The following RNF144A variants were observed in gnomAD, a reference collection of about 807,000 sequenced individuals.
The protein encoded by RNF144A is E3 ubiquitin-protein ligase RNF144A.
In RNF144A, 11 loss-of-function variants were observed where a neutral mutation model predicts 38.7. The ratio of observed to expected loss-of-function variants is 0.28; its 90% CI spans 0.18 to 0.47. The LOEUF (loss-of-function observed/expected upper bound fraction) is 0.47. Among genes scored for constraint, RNF144A ranks in the 20% least tolerant of loss-of-function variants. The pLI, the probability that RNF144A is intolerant of heterozygous loss-of-function variation, is 0.99. For missense variants in RNF144A, 316 were observed against 377.2 expected (o/e 0.84, Z 1.34); for synonymous variants, 149 against 143.9 (o/e 1.04, Z -0.25).
chr2:7,058,015 G>T (rs1673804957), intron 6 of RNF144A, among the ~76,000 whole-genome samples: 1 of 152,200 alleles, frequency 6.6e-6, no homozygotes, highest in South Asian at 2.1e-4. Context: ...CTTCTGACAT[G>T]TGCCAGGTGC....
intron 6 of RNF144A, among the ~76,000 whole-genome samples, chr2:7,063,418 C>G (rs1387069101): frequency 6.6e-6 from 1 of 152,078 alleles, no homozygotes; most frequent in Non-Finnish European, 1.5e-5. Context: ...AGTTTACAGA[C>G]AGGTCGAGCT....
chr2:7,049,795 T>C (rs111411597), intron 6 of RNF144A, among the ~76,000 whole-genome samples: 6,932 of 152,076 alleles, frequency 0.046, 209 homozygotes, highest in Non-Finnish European at 0.068. Context: ...GGAAAGAAAG[T>C]TCCAACAAAG....
rs576145397 is a variant in RNF144A at position 6,959,586 on chromosome 2, C to T, written c.-12+18439C>T. Among the ~76,000 whole-genome samples, 12 of 152,130 alleles carry T rather than the reference C, an allele frequency of 7.9e-5. No individual in the cohort carries two copies. In the South Asian group the frequency reaches 1.2e-3, roughly 16 times the overall value. On this transcript the variant is annotated intron_variant, in intron 2 of 8. Transcript: ENST00000320892. ...TGGGCTGTTGGTGAGGGGCCTCACG[C>T]GGCATCATAGCACAGCAGAAGGCAT...
At chr2:6,940,634 C>T (rs1665906391) in intron 1 of RNF144A, among the ~76,000 whole-genome samples, 1 of 152,058 alleles carries the variant, frequency 6.6e-6, no homozygotes, top group South Asian at 2.1e-4. Context: ...TTGCACCTCT[C>T]TCTATAGGAG....
intron 2 of RNF144A, among the ~76,000 whole-genome samples, chr2:6,980,587 C>A (rs1324566810): frequency 1.3e-5 from 2 of 152,258 alleles, no homozygotes; most frequent in Non-Finnish European, 2.9e-5. Flanking sequence ...CGGCCTTGGG[C>A]AGCTCTGCCT....
At position 6,993,636 on chromosome 2, in the gene RNF144A, G is replaced by A. The variant is rs528550917; in HGVS notation, c.-11-3280G>A. Among the ~76,000 whole-genome samples the A allele has an allele frequency of 4.3e-3, 653 of 152,270 alleles. 1 individual carries two copies. Among genetic ancestry groups the A allele is most frequent in the Non-Finnish European group, 7.5e-3 (510 of 68,028 alleles). On this transcript the variant is annotated intron_variant, in intron 2 of 8. Transcript: ENST00000320892. ...GTTAAGCTCTGCCTCTGGGTAATGC[G>A]TTCTCGGGTGATGTCCAGGCTGGGA...
intron 8 of RNF144A, among the ~76,000 whole-genome samples, chr2:7,032,218 C>T (rs1003874027): frequency 5.1e-4 from 77 of 151,846 alleles, no homozygotes; most frequent in Non-Finnish European, 9.3e-4. Context: ...CTGGAATCCG[C>T]GCCCCTTGCA....
intron 2 of RNF144A, among the ~76,000 whole-genome samples, chr2:6,953,337 G>T (rs999804315): frequency 4.6e-5 from 7 of 152,158 alleles, no homozygotes; most frequent in Non-Finnish European, 8.8e-5. Flanking sequence ...GCTGAGGCAG[G>T]AGAATTGCTT....
intron 3 of RNF144A, among the ~76,000 whole-genome samples, chr2:7,004,241 C>T (rs1272249479): frequency 1.3e-5 from 2 of 152,264 alleles, no homozygotes; most frequent in African/African-American, 4.8e-5. Flanking sequence ...AGGGTCTCCT[C>T]ACTGTGGTAG....
chr2:7,002,212 G>A (rs1670151697), intron 3 of RNF144A, among the ~76,000 whole-genome samples: 1 of 152,190 alleles, frequency 6.6e-6, no homozygotes, highest in African/African-American at 2.4e-5. Flanking sequence ...ACTGCACATA[G>A]TGGGTGCTTT....
At chr2:6,996,167 A>T (rs1669723371) in intron 2 of RNF144A, among the ~76,000 whole-genome samples, 1 of 152,004 alleles carries the variant, frequency 6.6e-6, no homozygotes, top group African/African-American at 2.4e-5. Context: ...CTGCCCTGAA[A>T]ACTCAAGCCT....
In RNF144A at chr2:6,985,197, G is replaced by A. The variant is rs142224502; in HGVS notation, c.-11-11719G>A. Among the ~76,000 whole-genome samples the A allele has an allele frequency of 1.9e-3, 287 of 151,486 alleles. 2 individuals are homozygous for A. The highest frequency in any genetic ancestry group is 0.017 in the East Asian group (90 of 5,162). On this transcript the variant is annotated intron_variant, in intron 2 of 8. Transcript: ENST00000320892. The stretch of plus-strand genomic sequence containing the variant: ...ATACTGATAAATGAAAGGTGATTCC[G>A]CGGGACTTCCCCAGGTTTCTTTGAA...
chr2:7,042,705 A>C lies in RNF144A; in HGVS notation c.*2945A>C. 1.0e-6 allele frequency: 1 copy of C among 985,502 alleles called. No homozygotes were observed. Among genetic ancestry groups the C allele is most frequent in the South Asian group, 4.7e-5 (1 of 21,292 alleles). 61.0% of individuals were successfully genotyped at this position (985,502 alleles called of 1,614,324 possible). On this transcript the variant is annotated 3_prime_UTR_variant, in exon 9 of 9. Coordinates refer to ENST00000320892, the MANE Select transcript of RNF144A (RefSeq NM_014746.6). Reference sequence around the variant, plus strand: ...GCCTCATAGGAGGTCAGCACCTTGCAAAGATGCAGTCACCATAGATGTCCA... The same window carrying C: ...GCCTCATAGGAGGTCAGCACCTTGCCAAGATGCAGTCACCATAGATGTCCA...
At chr2:7,039,488 G>A (rs1572463353) in intron 8 of RNF144A, 141 bp from the exon 9 acceptor site, 13 of 1,433,954 alleles carry the variant, frequency 9.1e-6, no homozygotes, top group East Asian at 2.3e-5. Context: ...GACTAGATGG[G>A]TAGATGGATG....
chr2:6,932,490 A>G (rs917622061), intron 1 of RNF144A, among the ~76,000 whole-genome samples: 1 of 152,138 alleles, frequency 6.6e-6, no homozygotes, highest in African/African-American at 2.4e-5. Flanking sequence ...AAGTTACCTT[A>G]TTCCTTTACA....
intron 2 of RNF144A, among the ~76,000 whole-genome samples, chr2:6,954,571 T>G (rs533807879): frequency 6.6e-6 from 1 of 152,360 alleles, no homozygotes; most frequent in East Asian, 1.9e-4. Flanking sequence ...ATTACTGATT[T>G]TTGTTGCTGC....
chr2:6,996,700 G>A (rs1297857224), intron 2 of RNF144A: 3 of 532,652 alleles, frequency 5.6e-6, no homozygotes, highest in Non-Finnish European at 1.0e-5. Context: ...GTTGCAGTGA[G>A]CTAGATTGCA....
At chr2:6,929,633 C>T (rs1665084608) in intron 1 of RNF144A, among the ~76,000 whole-genome samples, 1 of 152,208 alleles carries the variant, frequency 6.6e-6, no homozygotes, top group Non-Finnish European at 1.5e-5. Context: ...CAAAAACCCT[C>T]AGCTGAGGTG....
At chr2:6,993,222 G>A (rs1669509409) in intron 2 of RNF144A, among the ~76,000 whole-genome samples, 2 of 152,174 alleles carry the variant, frequency 1.3e-5, no homozygotes, top group African/African-American at 4.8e-5. Flanking sequence ...TTCTGTTGGG[G>A]AAAGAATAGT....
Sources: gnomAD v4.1 joint callset for allele counts (sites outside exome capture counted in the v4.1 genomes callset) on GRCh38, gnomAD v4.1.1 for gene constraint, MANE v1.5 for transcripts, NCBI Gene and HGNC (gene_info 2026-07-23, HGNC 2026-07-21) for gene names.